The following PPP2R5A variants were observed in gnomAD, a reference collection of about 807,000 sequenced individuals.
PPP2R5A encodes serine/threonine-protein phosphatase 2A 56 kDa regulatory subunit alpha isoform.
Under a neutral mutation model 64.2 loss-of-function variants are expected in PPP2R5A, and 25 were observed. That is an observed-to-expected ratio of 0.39 (90% confidence interval 0.28 to 0.54). The LOEUF is 0.54. Among genes scored for constraint, PPP2R5A ranks in the 20% least tolerant of loss-of-function variants. PPP2R5A has a pLI of 0.67. For missense variants in PPP2R5A, 425 were observed against 576.3 expected (o/e 0.74, Z 2.69); for synonymous variants, 198 against 201.2 (o/e 0.98, Z 0.13).
At chr1:212,299,536 A>G (rs1658761454) in intron 1 of PPP2R5A, 1 of 152,180 alleles carries the variant, frequency 6.6e-6, no homozygotes, top group South Asian at 2.1e-4. Context: ...TCTCAATTTG[A>G]TAGAGGAAAA....
At chr1:212,306,031 T>C (rs531777245) in intron 1 of PPP2R5A, among the ~76,000 whole-genome samples, 7 of 152,334 alleles carry the variant, frequency 4.6e-5, no homozygotes, top group Admixed American at 2.6e-4. Flanking sequence ...CCAGTTGTCC[T>C]GAGAGCACAC....
intron 1 of PPP2R5A, among the ~76,000 whole-genome samples, chr1:212,311,385 C>T (rs1360869839): frequency 6.6e-6 from 1 of 151,802 alleles, no homozygotes; most frequent in Non-Finnish European, 1.5e-5. Flanking sequence ...AGAAGAATGG[C>T]ATGAACCCGG....
chr1:212,299,184 C>CCCA (rs1658754017), intron 1 of PPP2R5A: 1 of 25,184 alleles, frequency 4.0e-5, no homozygotes, highest in Non-Finnish European at 7.5e-5. Context: ...GGCTGACCCC[C>CCCA]CCCACCTCCC....
chr1:212,324,671 C>G (rs1252372112), intron 1 of PPP2R5A, among the ~76,000 whole-genome samples: 3 of 150,992 alleles, frequency 2.0e-5, no homozygotes, highest in Non-Finnish European at 2.9e-5. Context: ...GTGGCACAAT[C>G]TGGGCTCACT....
At chr1:212,356,760 G>A in intron 9 of PPP2R5A, 84 bp downstream of exon 9, 1 of 1,458,180 alleles carries the variant, frequency 6.9e-7, no homozygotes, top group Non-Finnish European at 9.4e-7. Context: ...TGGGCTGGCT[G>A]TATTGCTGTT....
chr1:212,322,265 G>GGGAGAGGGAGAGGAGGGA (rs1659319036), intron 1 of PPP2R5A, among the ~76,000 whole-genome samples: 10 of 85,278 alleles, frequency 1.2e-4, no homozygotes, highest in Non-Finnish European at 1.6e-4. Context: ...GAGAGGGAGA[G>GGGAGAGGGAGAGGAGGGA]GAGGGAGAGG....
In PPP2R5A at chr1:212,333,778, CTT is replaced by C. The variant is rs553469870; in HGVS notation, c.480+181_480+182del. Among the ~76,000 whole-genome samples, 574 of 152,330 alleles carry C rather than the reference CTT, an allele frequency of 3.8e-3. 3 individuals carry two copies. The highest frequency in any genetic ancestry group is 0.013 in the African/African-American group (546 of 41,572). ...TGTTTTTTCATTGTAATAAAATACA[CTT>C]AACATATATTTACCATTTAAACCAT... On this transcript the variant is annotated intron_variant, in intron 3 of 12. Transcript: ENST00000261461.
intron 8 of PPP2R5A, among the ~76,000 whole-genome samples, chr1:212,353,406 C>T (rs1217180902): frequency 6.6e-6 from 1 of 152,180 alleles, no homozygotes; most frequent in Non-Finnish European, 1.5e-5. Flanking sequence ...GAGGGGATTA[C>T]ACAAGGGTGT....
At chr1:212,353,712 T>C (rs902605249) in intron 8 of PPP2R5A, among the ~76,000 whole-genome samples, 2 of 152,226 alleles carry the variant, frequency 1.3e-5, no homozygotes, top group Admixed American at 6.5e-5. Flanking sequence ...AATTCTTATT[T>C]GCTTATATTT....
chr1:212,357,746 T>C (rs1022383610), intron 11 of PPP2R5A, among the ~76,000 whole-genome samples: 6 of 144,610 alleles, frequency 4.1e-5, no homozygotes, highest in African/African-American at 1.5e-4. Flanking sequence ...GAGCTTGCAG[T>C]GAGCCAAGAT....
rs570597795 is a variant in PPP2R5A, at chr1:212,327,475, C to T, written c.182-1660C>T. Among the ~76,000 whole-genome samples the T allele has an allele frequency of 6.6e-5, 10 of 150,572 alleles. No individual in the cohort carries two copies. In the South Asian group the frequency reaches 1.3e-3, roughly 19 times the overall value. ...TGTGGCCCAGGCTGGAGTGCAGTGG[C>T]GCTATCTCGGCTCATTGCAACCCCC... is the stretch of plus-strand genomic sequence containing the variant. On this transcript the variant is annotated intron_variant, in intron 1 of 12. Transcript: ENST00000261461.
chr1:212,349,466 T>C (rs1203074701), intron 8 of PPP2R5A, among the ~76,000 whole-genome samples: 2 of 152,178 alleles, frequency 1.3e-5, no homozygotes, highest in Non-Finnish European at 2.9e-5. Context: ...ACTATTAATA[T>C]GTAGTAGTTA....
chr1:212,336,609 G>A (rs528000204), intron 3 of PPP2R5A, among the ~76,000 whole-genome samples: 3 of 152,248 alleles, frequency 2.0e-5, no homozygotes, highest in African/African-American at 7.2e-5. Flanking sequence ...ATAGTCTAAG[G>A]ACATCAGAAA....
At chr1:212,326,870 T>C (rs540865335) in intron 1 of PPP2R5A, among the ~76,000 whole-genome samples, 86 of 152,376 alleles carry the variant, frequency 5.6e-4, no homozygotes, top group African/African-American at 1.9e-3. Flanking sequence ...ACTTTTGCTG[T>C]TCTTTGTAAT....
At chr1:212,333,437 TG>T (rs1659541265) in intron 2 of PPP2R5A, 59 bp from the exon 3 acceptor site, 4 of 1,107,834 alleles carry the variant, frequency 3.6e-6, no homozygotes, top group Admixed American at 5.6e-5. Context: ...TACTTCGTTT[TG>T]AATTGTCCAA....
At chr1:212,330,408 G>A (rs985476085) in intron 2 of PPP2R5A, among the ~76,000 whole-genome samples, 1 of 151,976 alleles carries the variant, frequency 6.6e-6, no homozygotes, top group African/African-American at 2.4e-5. Context: ...GCTAGGCATG[G>A]TGGCATGAGC....
chr1:212,340,330 C>T (rs567217074), intron 3 of PPP2R5A, among the ~76,000 whole-genome samples: 1 of 152,192 alleles, frequency 6.6e-6, no homozygotes, highest in East Asian at 1.9e-4. Flanking sequence ...ATAGCTCCTG[C>T]ACTTATAGTC....
At chr1:212,356,398 AGT>A (rs1659978004) in intron 8 of PPP2R5A, among the ~76,000 whole-genome samples, 1 of 152,230 alleles carries the variant, frequency 6.6e-6, no homozygotes, top group South Asian at 2.1e-4. Context: ...CTTGTACATC[AGT>A]GTGTCCCTAG....
At position 212,329,165 on chromosome 1, in the gene PPP2R5A, T is replaced by G; in HGVS notation, c.212T>G (p.Phe71Cys). The G allele has an allele frequency of 6.4e-7, 1 of 1,551,644 alleles. No individual in the cohort carries two copies. The highest frequency in any genetic ancestry group is 8.7e-7 in the Non-Finnish European group (1 of 1,150,812). The change falls in exon 2 of 13, where the codon TTC becomes TGC. Residue 71 changes from phenylalanine to cysteine, a missense_variant. By Grantham distance (205) the Phe-to-Cys change is radical. Transcript: ENST00000261461. ...ACTTCAAATGAACAACAAGAGCTTT[T>G]CTGTCAGAAGTTGCAGCAGTGTTGT... Reference protein sequence around the residue: ...DATSNEQQELFCQKLQQCCIL... With the variant: ...DATSNEQQELCCQKLQQCCIL...
Sources: gnomAD v4.1 joint callset for allele counts (sites outside exome capture counted in the v4.1 genomes callset) on GRCh38, gnomAD v4.1.1 for gene constraint, MANE v1.5 for transcripts, NCBI Gene and HGNC (gene_info 2026-07-23, HGNC 2026-07-21) for gene names.